JAKMIP2: variants seen among roughly 807,000 people sequenced by gnomAD.
JAKMIP2 encodes the protein janus kinase and microtubule interacting protein 2.
In JAKMIP2, 25 loss-of-function variants were observed where a neutral mutation model predicts 115.0. The observed-to-expected ratio is 0.22, with a 90% CI of 0.16 to 0.30. The LOEUF (loss-of-function observed/expected upper bound fraction) is 0.30, where lower values mean the gene tolerates loss of function less well. Among genes scored for constraint, JAKMIP2 ranks in the 10% least tolerant of loss-of-function variants. JAKMIP2 has a pLI of 1.00. For synonymous variants in JAKMIP2, 334 were observed against 343.6 expected, an observed-to-expected ratio of 0.97 and a Z score of 0.31; for missense variants, 642 against 957.6, an observed-to-expected ratio of 0.67 and a Z score of 4.35.
chr5:147,737,281 TATAA>T (rs1428995214), intron 1 of JAKMIP2, among the ~76,000 whole-genome samples: 1 of 152,244 alleles, frequency 6.6e-6, no homozygotes, highest in African/African-American at 2.4e-5. Context: ...AAATCAAGAC[TATAA>T]ATAAAGATGT....
intron 1 of JAKMIP2, among the ~76,000 whole-genome samples, chr5:147,730,752 C>A (rs949153249): frequency 6.6e-6 from 1 of 152,156 alleles, no homozygotes. Context: ...CCACACCCAG[C>A]CCATCCTGCC....
chr5:147,636,307 C>T (rs758100794), intron 11 of JAKMIP2, 23 bp from the exon 12 acceptor site: 3 of 1,606,314 alleles, frequency 1.9e-6, no homozygotes, highest in African/African-American at 1.3e-5. Flanking sequence ...GAATATCGCG[C>T]AGTCAGCATT....
At chr5:147,761,727 G>A (rs1034048752) in intron 1 of JAKMIP2, among the ~76,000 whole-genome samples, 19 of 151,870 alleles carry the variant, frequency 1.3e-4, no homozygotes, top group Admixed American at 5.9e-4. Flanking sequence ...TGTCAGAAGC[G>A]GAGAGTAAAA....
chr5:147,609,903 A>G (rs1655189434), intron 20 of JAKMIP2, among the ~76,000 whole-genome samples: 1 of 151,862 alleles, frequency 6.6e-6, no homozygotes, highest in Admixed American at 6.6e-5. Flanking sequence ...TTTTTTCTCT[A>G]ATCTTGTCTT....
intron 2 of JAKMIP2, among the ~76,000 whole-genome samples, chr5:147,667,378 C>T (rs988070937): frequency 6.6e-6 from 1 of 152,214 alleles, no homozygotes; most frequent in East Asian, 1.9e-4. Context: ...TTCTGTCCTA[C>T]TTCTGGTCTA....
intron 1 of JAKMIP2, among the ~76,000 whole-genome samples, chr5:147,739,307 T>C (rs1483400141): frequency 1.3e-5 from 2 of 152,114 alleles, no homozygotes; most frequent in African/African-American, 2.4e-5. Context: ...CTCTCATTTC[T>C]CTAGCGGGTC....
chr5:147,618,627 A>T (rs985573438), intron 18 of JAKMIP2, among the ~76,000 whole-genome samples: 1 of 152,056 alleles, frequency 6.6e-6, no homozygotes, highest in Non-Finnish European at 1.5e-5. Context: ...AATCCCAGCT[A>T]CTCTGGAGGC....
intron 1 of JAKMIP2, among the ~76,000 whole-genome samples, chr5:147,678,412 C>T (rs1253392766): frequency 6.6e-6 from 1 of 152,158 alleles, no homozygotes; most frequent in East Asian, 1.9e-4. Context: ...CTGTACTTGG[C>T]TTATTTTACT....
In JAKMIP2 at chr5:147,670,130, T is replaced by G. The variant is rs76492512; in HGVS notation, c.129+1548A>C. On this transcript the variant is annotated intron_variant, in intron 2 of 21. Coordinates refer to ENST00000616793, the MANE Select transcript of JAKMIP2 (RefSeq NM_001270941.2). ...TTTGGCTTCAAGGAAACTAAAAAATTTTCTTCACAAACTTTACATTACAGT... is the reference window on the plus strand; with the variant it reads ...TTTGGCTTCAAGGAAACTAAAAAATGTTCTTCACAAACTTTACATTACAGT... 7.1e-3 allele frequency among the ~76,000 whole-genome samples: 1,088 copies of G among 152,294 alleles called. 49 individuals are homozygous for G. In the East Asian group the frequency reaches 0.13, roughly 18 times the overall value.
In JAKMIP2 at chr5:147,650,342, C is replaced by A; in HGVS notation, c.833G>T (p.Ser278Ile). The change falls in exon 4 of 22, where the codon AGT becomes ATT. Residue 278 changes from serine to isoleucine, a missense_variant. Ser to Ile is a moderately radical substitution (Grantham distance 142). Coordinates refer to ENST00000616793, the MANE Select transcript of JAKMIP2 (RefSeq NM_001270941.2). ...RAGDGSEHCS[S>I]PDLRRNQKRI... is the part of the protein sequence containing the mutation. ...CTTCAACTAGAATGGACTTACAGGACTGCTGCAGTGTTCGGAACCATCACC... is the reference window on the plus strand; with the variant it reads ...CTTCAACTAGAATGGACTTACAGGAATGCTGCAGTGTTCGGAACCATCACC... 1 of 1,600,914 alleles carries A rather than the reference C, an allele frequency of 6.2e-7. No individual in the cohort carries two copies. Among genetic ancestry groups the A allele is most frequent in the East Asian group, 2.2e-5 (1 of 44,820 alleles).
chr5:147,605,934 GTGA>G (rs1245548434), intron 20 of JAKMIP2, among the ~76,000 whole-genome samples: 4 of 152,190 alleles, frequency 2.6e-5, no homozygotes, highest in African/African-American at 4.8e-5. Context: ...CTAATGACCA[GTGA>G]TGATGAGCTT....
intron 1 of JAKMIP2, among the ~76,000 whole-genome samples, chr5:147,761,884 A>G (rs1159907780): frequency 6.6e-6 from 1 of 152,168 alleles, no homozygotes; most frequent in Non-Finnish European, 1.5e-5. Flanking sequence ...GCATGGATTT[A>G]TAGGATATTG....
intron 3 of JAKMIP2, among the ~76,000 whole-genome samples, chr5:147,655,639 A>T (rs1442626517): frequency 6.6e-6 from 1 of 152,060 alleles, no homozygotes; most frequent in Non-Finnish European, 1.5e-5. Context: ...TTTTTAAAAA[A>T]TCCAGCTCCT....
chr5:147,691,697 G>A (rs568226761), intron 1 of JAKMIP2, among the ~76,000 whole-genome samples: 16 of 152,170 alleles, frequency 1.1e-4, no homozygotes, highest in Non-Finnish European at 1.6e-4. Context: ...GAAGAGAGGA[G>A]TGTTTGCTTC....
intron 10 of JAKMIP2, among the ~76,000 whole-genome samples, chr5:147,637,564 C>T (rs1328637813): frequency 6.6e-6 from 1 of 151,504 alleles, no homozygotes; most frequent in Non-Finnish European, 1.5e-5. Context: ...TTCAGCCTCC[C>T]AAATAGCTTG....
chr5:147,618,150 C>T (rs751116849), intron 18 of JAKMIP2, 36 bp from the exon 19 acceptor site: 1 of 1,506,244 alleles, frequency 6.6e-7, no homozygotes, highest in South Asian at 1.1e-5. Flanking sequence ...AACTTTGGAA[C>T]TTGGCATTGA....
chr5:147,758,270 A>C lies in JAKMIP2; in HGVS notation c.-149+24186T>G, dbSNP rs912296331. Among the ~76,000 whole-genome samples, 18 of 152,320 alleles carry C rather than the reference A, an allele frequency of 1.2e-4. No homozygotes were observed. In the East Asian group the frequency reaches 3.5e-3, roughly 29 times the overall value. Reference sequence around the variant, plus strand: ...GTCTGTGGCAATGTTGCAACTAAAAAATTTAAATAATTTCTGTTGGTAACG... The same window carrying C: ...GTCTGTGGCAATGTTGCAACTAAAACATTTAAATAATTTCTGTTGGTAACG... On this transcript the variant is annotated intron_variant, in intron 1 of 21. Transcript: ENST00000616793.
At chr5:147,703,923 T>A (rs1457882203) in intron 1 of JAKMIP2, among the ~76,000 whole-genome samples, 1 of 152,148 alleles carries the variant, frequency 6.6e-6, no homozygotes, top group Admixed American at 6.6e-5. Context: ...TTTTACTTCT[T>A]AAATGTTTTG....
At chr5:147,605,534 C>A (rs1423836220) in intron 20 of JAKMIP2, among the ~76,000 whole-genome samples, 3 of 152,160 alleles carry the variant, frequency 2.0e-5, no homozygotes, top group East Asian at 3.9e-4. Flanking sequence ...TTTTTCCAAT[C>A]TAACAATCAT....
Sources: gnomAD v4.1 joint callset for allele counts (sites outside exome capture counted in the v4.1 genomes callset) on GRCh38, gnomAD v4.1.1 for gene constraint, MANE v1.5 for transcripts, NCBI Gene and HGNC (gene_info 2026-07-23, HGNC 2026-07-21) for gene names.